The following FRMD4B variants were observed in gnomAD, a reference collection of about 807,000 sequenced individuals.
FRMD4B encodes the protein FERM domain containing 4B.
In FRMD4B, 74 loss-of-function variants were observed where a neutral mutation model predicts 141.5. That is an observed-to-expected ratio of 0.52 (90% CI 0.43 to 0.63). The LOEUF is 0.63. FRMD4B is among the 30% of genes least tolerant of loss of function. The probability of loss-of-function intolerance (pLI) is 0.00; values close to 1 mark genes in which losing one functional copy is unlikely to be tolerated. For synonymous variants in FRMD4B, 506 were observed against 467.9 expected (o/e 1.08, Z -1.05); for missense variants, 1,366 against 1,253.4 (o/e 1.09, Z -1.36).
At chr3:69,179,409 A>G (rs1378737239) in intron 21 of FRMD4B, among the ~76,000 whole-genome samples, 5 of 152,134 alleles carry the variant, frequency 3.3e-5, no homozygotes, top group African/African-American at 1.2e-4. Context: ...GACCTGTGAA[A>G]GTTTCTCACA....
chr3:69,472,185 A>G (rs1705903801), intron 1 of FRMD4B: 7 of 263,440 alleles, frequency 2.7e-5, no homozygotes, highest in Admixed American at 2.4e-4. Context: ...AAACAGAAAG[A>G]TCAAGGATAG....
intron 2 of FRMD4B, among the ~76,000 whole-genome samples, chr3:69,405,596 A>G (rs1380665842): frequency 1.3e-5 from 2 of 152,244 alleles, no homozygotes; most frequent in African/African-American, 2.4e-5. Flanking sequence ...GATGTTGGGC[A>G]GCAGAAGCAG....
chr3:69,295,630 T>C (rs576337871), intron 4 of FRMD4B, among the ~76,000 whole-genome samples: 6 of 152,122 alleles, frequency 3.9e-5, no homozygotes, highest in South Asian at 2.1e-4. Context: ...GGGAGCATCA[T>C]TGACGTCAGT....
intron 2 of FRMD4B, among the ~76,000 whole-genome samples, chr3:69,419,379 G>A (rs1034951279): frequency 1.3e-5 from 2 of 151,818 alleles, no homozygotes; most frequent in East Asian, 3.9e-4. Flanking sequence ...TTGATCTCAT[G>A]CTCAGGCAGC....
At chr3:69,348,009 A>G (rs909206204) in intron 1 of FRMD4B, among the ~76,000 whole-genome samples, 16 of 152,230 alleles carry the variant, frequency 1.1e-4, no homozygotes, top group African/African-American at 3.9e-4. Flanking sequence ...AGATAGAGAC[A>G]CTAAAAACCC....
intron 5 of FRMD4B, among the ~76,000 whole-genome samples, chr3:69,254,837 C>A (rs1295818760): frequency 2.0e-5 from 3 of 152,076 alleles, no homozygotes. Flanking sequence ...CAAGCTAGCT[C>A]CAGCACACCA....
intron 1 of FRMD4B, among the ~76,000 whole-genome samples, chr3:69,509,885 C>T (rs1236047920): frequency 4.0e-5 from 6 of 151,306 alleles, no homozygotes; most frequent in African/African-American, 2.4e-5. Flanking sequence ...TCAAATATTG[C>T]AATCAAGCAA....
intron 1 of FRMD4B, among the ~76,000 whole-genome samples, chr3:69,475,132 T>C (rs1426239212): frequency 6.6e-6 from 1 of 152,174 alleles, no homozygotes; most frequent in Non-Finnish European, 1.5e-5. Flanking sequence ...ACTAGTGCTG[T>C]TGTGAGGATC....
At chr3:69,453,161 A>C (rs1304560358) in intron 1 of FRMD4B, among the ~76,000 whole-genome samples, 1 of 152,184 alleles carries the variant, frequency 6.6e-6, no homozygotes, top group Non-Finnish European at 1.5e-5. Flanking sequence ...CTTAGGGAAG[A>C]GATGAAGAGA....
At chr3:69,521,142 A>G (rs1016192205) in intron 1 of FRMD4B, among the ~76,000 whole-genome samples, 1 of 152,132 alleles carries the variant, frequency 6.6e-6, no homozygotes, top group Non-Finnish European at 1.5e-5. Flanking sequence ...GGGACCCCAG[A>G]TGGTCCCCCA....
chr3:69,322,098 A>G (rs1319029189), intron 1 of FRMD4B, among the ~76,000 whole-genome samples: 1 of 151,784 alleles, frequency 6.6e-6, no homozygotes, highest in Non-Finnish European at 1.5e-5. Context: ...CACACATAAA[A>G]AACACTCTTT....
At chr3:69,432,821 A>G (rs1705201518) in intron 1 of FRMD4B, 1 of 152,238 alleles carries the variant, frequency 6.6e-6, no homozygotes, top group African/African-American at 2.4e-5. Context: ...GAAACTATAA[A>G]TCTCAAGTCA....
chr3:69,257,127 A>G (rs1214450916), intron 5 of FRMD4B, among the ~76,000 whole-genome samples: 2 of 152,148 alleles, frequency 1.3e-5, no homozygotes, highest in Admixed American at 6.5e-5. Flanking sequence ...CTTGAGAACC[A>G]CTTCTCTAGG....
intron 5 of FRMD4B, among the ~76,000 whole-genome samples, chr3:69,260,642 G>A (rs1008167552): frequency 2.6e-5 from 4 of 152,264 alleles, no homozygotes; most frequent in South Asian, 2.1e-4. Context: ...GTGCAGGCGC[G>A]TGGTGCGGGA....
chr3:69,326,198 C>T (rs1702186225), intron 1 of FRMD4B, among the ~76,000 whole-genome samples: 1 of 147,668 alleles, frequency 6.8e-6, no homozygotes, highest in Non-Finnish European at 1.5e-5. Context: ...CTCAAGTGAT[C>T]CTCCCGCCTC....
intron 19 of FRMD4B, among the ~76,000 whole-genome samples, chr3:69,185,013 T>A (rs994645122): frequency 6.6e-6 from 1 of 152,262 alleles, no homozygotes; most frequent in Non-Finnish European, 1.5e-5. Flanking sequence ...ATTAGAAATA[T>A]AACAATGTGA....
chr3:69,218,667 A>C (rs2093164372), intron 9 of FRMD4B, among the ~76,000 whole-genome samples: 1 of 152,150 alleles, frequency 6.6e-6, no homozygotes, highest in African/African-American at 2.4e-5. Flanking sequence ...TATAAACTCC[A>C]TTTGCAAGTA....
chr3:69,409,748 G>C (rs4401365), intron 2 of FRMD4B, among the ~76,000 whole-genome samples: 39,079 of 151,784 alleles, frequency 0.26, 5,671 homozygotes, highest in East Asian at 0.44. Context: ...TCTCTTCTCT[G>C]CATATAGAAA....
chr3:69,500,007 G>T (rs1230480570), intron 1 of FRMD4B, among the ~76,000 whole-genome samples: 3 of 152,214 alleles, frequency 2.0e-5, no homozygotes, highest in African/African-American at 7.2e-5. Flanking sequence ...CTGGGTTCCA[G>T]AAGGGGATCT....
Sources: gnomAD v4.1 joint callset for allele counts (sites outside exome capture counted in the v4.1 genomes callset) on GRCh38, gnomAD v4.1.1 for gene constraint, MANE v1.5 for transcripts, NCBI Gene and HGNC (gene_info 2026-07-23, HGNC 2026-07-21) for gene names.